FYN: variants seen among roughly 807,000 people sequenced by gnomAD.
The protein encoded by FYN is FYN proto-oncogene, Src family tyrosine kinase, also known as tyrosine-protein kinase Fyn.
Under a neutral mutation model 70.2 loss-of-function variants are expected in FYN, and 10 were observed. That is an observed-to-expected ratio of 0.14 (90% confidence interval 0.09 to 0.24). The LOEUF is 0.24. Among genes scored for constraint, FYN ranks in the 10% least tolerant of loss-of-function variants. The probability of loss-of-function intolerance (pLI) is 1.00; values close to 1 mark genes in which losing one functional copy is unlikely to be tolerated. For synonymous variants in FYN, 236 were observed against 248.6 expected (o/e 0.95, Z 0.48); for missense variants, 319 against 673.1 (o/e 0.47, Z 5.82).
intron 6 of FYN, among the ~76,000 whole-genome samples, chr6:111,704,318 A>G (rs760995401): frequency 6.6e-6 from 1 of 152,100 alleles, no homozygotes; most frequent in Non-Finnish European, 1.5e-5. Context: ...AAAAAATCAG[A>G]TTTGAGTTGT....
chr6:111,766,196 T>C (rs1042363241), intron 3 of FYN, among the ~76,000 whole-genome samples: 1 of 152,196 alleles, frequency 6.6e-6, no homozygotes, highest in Non-Finnish European at 1.5e-5. Context: ...CATGAGAAAG[T>C]TGAGTCACAG....
intron 1 of FYN, among the ~76,000 whole-genome samples, chr6:111,871,558 T>C (rs1433422709): frequency 6.6e-6 from 1 of 152,200 alleles, no homozygotes; most frequent in East Asian, 1.9e-4. Flanking sequence ...ACAACATCAC[T>C]GGGCAGACAG....
chr6:111,771,431 C>A (rs1261680716), intron 3 of FYN, among the ~76,000 whole-genome samples: 1 of 152,162 alleles, frequency 6.6e-6, no homozygotes, highest in Non-Finnish European at 1.5e-5. Context: ...ATTAAAAAAT[C>A]CAAGATTTTA....
At chr6:111,761,178 T>C (rs1411352437) in intron 3 of FYN, among the ~76,000 whole-genome samples, 1 of 152,218 alleles carries the variant, frequency 6.6e-6, no homozygotes, top group African/African-American at 2.4e-5. Flanking sequence ...TGGCACTTGT[T>C]ACAAGCCAGA....
At chr6:111,758,063 C>T (rs2128492106) in intron 3 of FYN, among the ~76,000 whole-genome samples, 1 of 152,270 alleles carries the variant, frequency 6.6e-6, no homozygotes, top group East Asian at 1.9e-4. Flanking sequence ...TCTGAAAACA[C>T]TAGATTCTGA....
chr6:111,862,826 T>G (rs143371044), intron 1 of FYN, among the ~76,000 whole-genome samples: 2,039 of 152,240 alleles, frequency 0.013, 53 homozygotes, highest in South Asian at 0.09. Context: ...TGGGGGAAGC[T>G]TTTGAGAGTT....
chr6:111,814,199 T>A (rs920154983), intron 2 of FYN: 4 of 152,196 alleles, frequency 2.6e-5, no homozygotes, highest in Admixed American at 2.6e-4. Context: ...GTATTCCTAT[T>A]CAACATTTTA....
chr6:111,753,729 A>C (rs979905603), intron 3 of FYN, among the ~76,000 whole-genome samples: 6 of 152,252 alleles, frequency 3.9e-5, no homozygotes, highest in Non-Finnish European at 7.4e-5. Flanking sequence ...GTGTTAGCTG[A>C]AAGTAATTTC....
intron 2 of FYN, among the ~76,000 whole-genome samples, chr6:111,788,023 G>A (rs61552815): frequency 0.016 from 2,408 of 152,060 alleles, 53 homozygotes; most frequent in African/African-American, 0.053. Context: ...GTCCCTCCTC[G>A]GAGCCTTCAC....
At chr6:111,691,411 C>A (rs1357950660) in intron 12 of FYN, among the ~76,000 whole-genome samples, 1 of 152,212 alleles carries the variant, frequency 6.6e-6, no homozygotes. Context: ...CCGAATGCCG[C>A]CTGCATTCCC....
At chr6:111,826,244 T>C (rs1017648381) in intron 2 of FYN, among the ~76,000 whole-genome samples, 1 of 152,172 alleles carries the variant, frequency 6.6e-6, no homozygotes, top group Non-Finnish European at 1.5e-5. Flanking sequence ...TACAGCATTA[T>C]GGCACACTAG....
intron 3 of FYN, among the ~76,000 whole-genome samples, chr6:111,721,151 G>A (rs1181741814): frequency 2.6e-5 from 4 of 152,218 alleles, no homozygotes; most frequent in South Asian, 4.1e-4. Flanking sequence ...CCTCTGCAAG[G>A]CGTTCTCCGA....
At chr6:111,837,644 T>C (rs1257505790) in intron 2 of FYN, among the ~76,000 whole-genome samples, 1 of 152,238 alleles carries the variant, frequency 6.6e-6, no homozygotes, top group Non-Finnish European at 1.5e-5. Flanking sequence ...CATCTCTTCA[T>C]CTAACTCCTG....
intron 2 of FYN, among the ~76,000 whole-genome samples, chr6:111,795,303 A>C (rs1336536059): frequency 1.3e-5 from 2 of 152,214 alleles, no homozygotes; most frequent in Non-Finnish European, 1.5e-5. Flanking sequence ...ACAGATACAC[A>C]CAAAGGAAAG....
intron 1 of FYN, among the ~76,000 whole-genome samples, chr6:111,861,229 C>T (rs1386779573): frequency 1.3e-5 from 2 of 152,114 alleles, no homozygotes; most frequent in Non-Finnish European, 1.5e-5. Flanking sequence ...CAGCACAAGG[C>T]AAATTAAACA....
At chr6:111,806,382 C>G (rs1056133899) in intron 2 of FYN, among the ~76,000 whole-genome samples, 3 of 152,112 alleles carry the variant, frequency 2.0e-5, no homozygotes, top group Non-Finnish European at 2.9e-5. Context: ...CTGACTGGGT[C>G]AGGAGGACAC....
At chr6:111,738,286 C>A (rs1250041321) in intron 3 of FYN, among the ~76,000 whole-genome samples, 2 of 152,212 alleles carry the variant, frequency 1.3e-5, no homozygotes, top group African/African-American at 2.4e-5. Context: ...AATACATGCA[C>A]CCTGAGGGTT....
chr6:111,794,291 C>T (rs1771733593), intron 2 of FYN, among the ~76,000 whole-genome samples: 1 of 152,202 alleles, frequency 6.6e-6, no homozygotes, highest in South Asian at 2.1e-4. Flanking sequence ...TTAAGAAGGT[C>T]CCCCATCCCT....
At chr6:111,701,105 A>T (rs1007582102) in intron 8 of FYN, among the ~76,000 whole-genome samples, 1 of 152,000 alleles carries the variant, frequency 6.6e-6, no homozygotes, top group Non-Finnish European at 1.5e-5. Flanking sequence ...TATTCTTTAT[A>T]AAAAAAAGAA....
Sources: allele counts gnomAD v4.1 joint callset (sites outside exome capture counted in the v4.1 genomes callset), GRCh38; gene constraint gnomAD v4.1.1; transcripts MANE v1.5; gene names NCBI Gene and HGNC (gene_info 2026-07-23, HGNC 2026-07-21).